The following POC1A variants were observed in gnomAD, a reference collection of about 807,000 sequenced individuals.
POC1A encodes the protein POC1 centriolar protein A, also known as POC1 centriolar protein homolog A.
POC1A carries 34 observed loss-of-function variants against 47.8 expected under a neutral mutation model. The observed-to-expected ratio is 0.71, with a 90% CI of 0.54 to 0.95. The LOEUF (loss-of-function observed/expected upper bound fraction) is 0.95. Ranked by LOEUF, POC1A falls within the 40% of genes least tolerant of loss-of-function variation. The pLI, the probability that POC1A is intolerant of heterozygous loss-of-function variation, is 0.00. For missense variants in POC1A, 466 were observed against 528.3 expected (o/e 0.88, Z 1.16); for synonymous variants, 177 against 207.6 (o/e 0.85, Z 1.27).
intron 10 of POC1A, 82 bp downstream of exon 10, chr3:52,096,487 C>A (rs1702818228): frequency 1.7e-6 from 2 of 1,182,784 alleles, no homozygotes; most frequent in African/African-American, 3.2e-5. Context: ...AAATCCAGCA[C>A]CTGTTGTCCA....
At chr3:52,091,686 G>A (rs1229885064) in intron 10 of POC1A, among the ~76,000 whole-genome samples, 2 of 152,144 alleles carry the variant, frequency 1.3e-5, no homozygotes, top group Non-Finnish European at 2.9e-5. Context: ...TGAGTCCAGC[G>A]GTATGGGGAC....
chr3:52,134,461 G>A (rs934941846), intron 7 of POC1A, among the ~76,000 whole-genome samples: 22 of 151,906 alleles, frequency 1.4e-4, no homozygotes, highest in African/African-American at 5.1e-4. Context: ...GTGAAACCCC[G>A]TCTCTACTAA....
intron 9 of POC1A, among the ~76,000 whole-genome samples, chr3:52,113,253 TG>T (rs1201011266): frequency 2.6e-5 from 4 of 152,228 alleles, no homozygotes; most frequent in African/African-American, 9.6e-5. Context: ...TGGTAGCCTC[TG>T]GAAGAAAAAG....
At chr3:52,106,147 A>G (rs1481717140) in intron 9 of POC1A, among the ~76,000 whole-genome samples, 1 of 145,834 alleles carries the variant, frequency 6.9e-6, no homozygotes, top group Non-Finnish European at 1.5e-5. Context: ...GTGAGCCGAG[A>G]TCGCGCCACT....
intron 10 of POC1A, among the ~76,000 whole-genome samples, chr3:52,087,324 C>A (rs1702492392): frequency 6.6e-6 from 1 of 152,100 alleles, no homozygotes; most frequent in Non-Finnish European, 1.5e-5. Context: ...CTAACATGCC[C>A]AGGATCACAC....
chr3:52,134,322 A>G (rs1484941608), intron 7 of POC1A, among the ~76,000 whole-genome samples: 2 of 152,226 alleles, frequency 1.3e-5, no homozygotes, highest in Non-Finnish European at 2.9e-5. Flanking sequence ...TACCCCAGTA[A>G]AGATAAATAA....
chr3:52,152,291 C>T (rs1208985716), intron 1 of POC1A, among the ~76,000 whole-genome samples: 6 of 151,492 alleles, frequency 4.0e-5, no homozygotes, highest in Admixed American at 2.6e-4. Flanking sequence ...AGTAGTTAGC[C>T]GGGCACAGTG....
At chr3:52,125,265 T>C in intron 7 of POC1A, 84 bp from the exon 8 acceptor site, 1 of 1,143,776 alleles carries the variant, frequency 8.7e-7, no homozygotes, top group Non-Finnish European at 1.3e-6. Context: ...CGTTCTTGAA[T>C]GAAAGCAGCA....
chr3:52,125,210 A>G (rs1011694080), intron 7 of POC1A, 29 bp from the exon 8 acceptor site: 1 of 1,536,556 alleles, frequency 6.5e-7, no homozygotes, highest in African/African-American at 1.4e-5. Flanking sequence ...AATAACACAC[A>G]TCAAAGGTCA....
intron 9 of POC1A, among the ~76,000 whole-genome samples, chr3:52,118,182 G>C (rs1290880204): frequency 1.3e-5 from 2 of 152,086 alleles, no homozygotes; most frequent in Non-Finnish European, 2.9e-5. Context: ...CCCCAGCCTT[G>C]TAGCATGTCA....
At chr3:52,099,442 G>GACAGT (rs1282456653) in intron 9 of POC1A, among the ~76,000 whole-genome samples, 1 of 152,236 alleles carries the variant, frequency 6.6e-6, no homozygotes, top group African/African-American at 2.4e-5. Context: ...GACAGTGGCA[G>GACAGT]AATAACCCAA....
intron 9 of POC1A, 97 bp from the exon 10 acceptor site, chr3:52,096,809 C>T (rs1379941808): frequency 8.6e-7 from 1 of 1,168,216 alleles, no homozygotes; most frequent in Non-Finnish European, 1.2e-6. Context: ...GGAAAACCAC[C>T]AGCAAATTTG....
chr3:52,146,000 G>A (rs894493898), intron 5 of POC1A, 39 bp from the exon 6 acceptor site: 21 of 1,298,768 alleles, frequency 1.6e-5, no homozygotes, highest in East Asian at 4.6e-5. Context: ...TAGGAGGTCT[G>A]CCCTGGTTCA....
intron 10 of POC1A, among the ~76,000 whole-genome samples, chr3:52,077,724 T>C (rs1035059978): frequency 6.6e-6 from 1 of 152,174 alleles, no homozygotes; most frequent in East Asian, 1.9e-4. Context: ...AAAATCATTC[T>C]TCATCCAGAC....
intron 9 of POC1A, 128 bp from the exon 10 acceptor site, chr3:52,096,840 C>G: frequency 1.3e-6 from 1 of 787,538 alleles, no homozygotes; most frequent in Non-Finnish European, 2.0e-6. Context: ...CTCCAAGTGT[C>G]AGTAAGAAAC....
intron 9 of POC1A, among the ~76,000 whole-genome samples, chr3:52,108,079 T>C (rs1231936412): frequency 6.6e-6 from 1 of 152,232 alleles, no homozygotes. Flanking sequence ...TTGGGTTTTA[T>C]CATTAGATTC....
intron 1 of POC1A, among the ~76,000 whole-genome samples, chr3:52,152,253 C>A (rs1431161825): frequency 6.6e-6 from 1 of 152,092 alleles, no homozygotes; most frequent in Non-Finnish European, 1.5e-5. Context: ...CCAGCCTGGG[C>A]AACAGAGCAA....
rs561936192 is a variant in POC1A at position 52,076,284 on chromosome 3, C to T, written c.1126-299G>A. Reference sequence around the variant, plus strand: ...AGCCTTTGGTCATTTCTCAAGAGAACCAAGGGGTCAGGAACCCCCCACCCT... The same window carrying T: ...AGCCTTTGGTCATTTCTCAAGAGAATCAAGGGGTCAGGAACCCCCCACCCT... On this transcript the variant is annotated intron_variant, in intron 10 of 10. Coordinates refer to ENST00000296484, the MANE Select transcript of POC1A (RefSeq NM_015426.5). 5.3e-5 allele frequency among the ~76,000 whole-genome samples: 8 copies of T among 152,310 alleles called. No individual in the cohort carries two copies. The East Asian group carries it at 1.5e-3, about 29-fold the overall frequency.
At chr3:52,099,348 G>C (rs772497697) in intron 9 of POC1A, among the ~76,000 whole-genome samples, 1 of 152,232 alleles carries the variant, frequency 6.6e-6, no homozygotes, top group Non-Finnish European at 1.5e-5. Flanking sequence ...TTCCCTGAGA[G>C]CTGGGCAAAT....
Sources: allele counts gnomAD v4.1 joint callset (sites outside exome capture counted in the v4.1 genomes callset), GRCh38; gene constraint gnomAD v4.1.1; transcripts MANE v1.5; gene names NCBI Gene and HGNC (gene_info 2026-07-23, HGNC 2026-07-21).